GCNT1: variants seen among roughly 807,000 people sequenced by gnomAD.
GCNT1 encodes beta-1,3-galactosyl-O-glycosyl-glycoprotein beta-1,6-N-acetylglucosaminyltransferase.
GCNT1 carries 16 observed loss-of-function variants against 26.2 expected under a neutral mutation model. The ratio of observed to expected loss-of-function variants is 0.61; its 90% CI spans 0.41 to 0.93. The LOEUF (loss-of-function observed/expected upper bound fraction) is 0.93, where lower values mean the gene tolerates loss of function less well. Ranked by LOEUF, GCNT1 falls within the 40% of genes least tolerant of loss-of-function variation. The pLI, the probability that GCNT1 is intolerant of heterozygous loss-of-function variation, is 0.00. For missense variants in GCNT1, 477 were observed against 526.7 expected (o/e 0.91, Z 0.92); for synonymous variants, 183 against 190.8 (o/e 0.96, Z 0.34).
intron 2 of GCNT1, among the ~76,000 whole-genome samples, chr9:76,468,988 G>T (rs1824069296): frequency 6.6e-6 from 1 of 152,160 alleles, no homozygotes; most frequent in Non-Finnish European, 1.5e-5. Context: ...AAGTAACAAT[G>T]AGTTTTTAAT....
chr9:76,455,705 G>A (rs62564454), upstream of GCNT1, among the ~76,000 whole-genome samples: 27,580 of 151,898 alleles, frequency 0.18, 3,228 homozygotes, highest in Non-Finnish European at 0.27. Flanking sequence ...AGATTCAACC[G>A]ATTCTCGTGC....
chr9:76,495,617 T>C (rs1177260489), intron 2 of GCNT1, among the ~76,000 whole-genome samples: 4 of 152,176 alleles, frequency 2.6e-5, no homozygotes, highest in Non-Finnish European at 5.9e-5. Context: ...AGAATGCTGA[T>C]TGGTACATTT....
the GCNT1 span, among the ~76,000 whole-genome samples, chr9:76,407,321 T>A: frequency 6.6e-6 from 1 of 152,140 alleles, no homozygotes; most frequent in African/African-American, 2.4e-5. Flanking sequence ...GATTCTTTTT[T>A]TTTTCCTGCA....
chr9:76,443,876 GGAAA>G (rs145373981), intron 1 of GCNT1, among the ~76,000 whole-genome samples: 2,747 of 53,382 alleles, frequency 0.051, 74 homozygotes, highest in African/African-American at 0.098. Context: ...TCTAAAAAAA[GGAAA>G]GAAAGAAAGA....
At chr9:76,494,270 A>G (rs1486270377) in intron 2 of GCNT1, among the ~76,000 whole-genome samples, 1 of 152,190 alleles carries the variant, frequency 6.6e-6, no homozygotes, top group Non-Finnish European at 1.5e-5. Flanking sequence ...AAGAGGACTG[A>G]GAAAAATCGG....
At chr9:76,413,809 TCTC>T in the GCNT1 span, among the ~76,000 whole-genome samples, 1 of 152,102 alleles carries the variant, frequency 6.6e-6, no homozygotes, top group Non-Finnish European at 1.5e-5. Flanking sequence ...CTGTCTTTCT[TCTC>T]CTTCTGGAAT....
intron 2 of GCNT1, among the ~76,000 whole-genome samples, chr9:76,475,714 T>C (rs770629945): frequency 6.6e-6 from 1 of 152,150 alleles, no homozygotes; most frequent in Admixed American, 6.6e-5. Context: ...TTCCTGTTTA[T>C]TGAGCATGTG....
intron 2 of GCNT1, among the ~76,000 whole-genome samples, chr9:76,480,218 C>T (rs1239277868): frequency 6.6e-6 from 1 of 152,066 alleles, no homozygotes; most frequent in African/African-American, 2.4e-5. Context: ...GTCTATATCT[C>T]TGTTTTGGTA....
intron 2 of GCNT1, among the ~76,000 whole-genome samples, chr9:76,463,922 A>ATGG (rs889236899): frequency 1.3e-5 from 2 of 152,076 alleles, no homozygotes; most frequent in Non-Finnish European, 1.5e-5. Context: ...GGGGGCAGGT[A>ATGG]TGGTGGCTCA....
chr9:76,476,581 GTATATA>G (rs1824257635), intron 2 of GCNT1, among the ~76,000 whole-genome samples: 2 of 151,952 alleles, frequency 1.3e-5, no homozygotes, highest in Non-Finnish European at 2.9e-5. Flanking sequence ...TTTTCTGTAT[GTATATA>G]TAAACAGATA....
chr9:76,413,653 G>GTTTTTGTTTTTTTGTTTTGTTTTT, the GCNT1 span, among the ~76,000 whole-genome samples: 1 of 118,664 alleles, frequency 8.4e-6, no homozygotes, highest in Non-Finnish European at 1.8e-5. Context: ...GTTTTGTTTT[G>GTTTTTGTTTTTTTGTTTTGTTTTT]TTTTTTTTTT....
upstream of GCNT1, among the ~76,000 whole-genome samples, chr9:76,417,648 G>C (rs117026648): frequency 6.6e-6 from 1 of 152,164 alleles, no homozygotes; most frequent in Non-Finnish European, 1.5e-5. Flanking sequence ...TGGTGGGTGG[G>C]GGAGCCAAAG....
upstream of GCNT1, chr9:76,441,575 C>T (rs182959884): frequency 7.0e-4 from 106 of 152,330 alleles, no homozygotes; most frequent in Middle Eastern, 3.4e-3. Context: ...GTTCAAAACA[C>T]TTCACATAAT....
At chr9:76,480,261 T>C in intron 2 of GCNT1, among the ~76,000 whole-genome samples, 1 of 152,096 alleles carries the variant, frequency 6.6e-6, no homozygotes. Context: ...ACTGTAGCCT[T>C]GTAGCATAGT....
At chr9:76,491,218 C>CCT (rs550530295) in intron 2 of GCNT1, among the ~76,000 whole-genome samples, 125 of 149,416 alleles carry the variant, frequency 8.4e-4, no homozygotes, top group Non-Finnish European at 1.4e-3. Context: ...TCTGTCTCTT[C>CCT]CTCTCTCTCT....
At chr9:76,479,669 G>A (rs534673717) in intron 2 of GCNT1, among the ~76,000 whole-genome samples, 3 of 152,326 alleles carry the variant, frequency 2.0e-5, no homozygotes, top group South Asian at 4.1e-4. Context: ...CTTTTGAGAA[G>A]TGTCTGTTCA....
intron 1 of GCNT1, among the ~76,000 whole-genome samples, chr9:76,445,858 C>CTGT (rs71372083): frequency 0.64 from 96,487 of 151,132 alleles, 31,120 homozygotes; most frequent in African/African-American, 0.68. Flanking sequence ...TGGTGTGTGC[C>CTGT]TGTTCCAGCT....
At chr9:76,501,149 C>T (rs1825054781) in intron 3 of GCNT1, 88 bp downstream of exon 3, 1 of 152,158 alleles carries the variant, frequency 6.6e-6, no homozygotes, top group Non-Finnish European at 1.5e-5. Context: ...CTATTCACAA[C>T]TCATTTCCTA....
chr9:76,417,417 C>T (rs375828343), upstream of GCNT1, among the ~76,000 whole-genome samples: 104 of 152,256 alleles, frequency 6.8e-4, no homozygotes, highest in African/African-American at 1.8e-3. Flanking sequence ...GATTAACTGA[C>T]AATAGATGGA....
Sources: allele counts gnomAD v4.1 joint callset (sites outside exome capture counted in the v4.1 genomes callset), GRCh38; gene constraint gnomAD v4.1.1; transcripts MANE v1.5; gene names NCBI Gene and HGNC (gene_info 2026-07-23, HGNC 2026-07-21).